The following PLCB4 variants were observed in gnomAD, a reference collection of about 807,000 sequenced individuals.
PLCB4 encodes the protein 1-phosphatidylinositol 4,5-bisphosphate phosphodiesterase beta-4.
In PLCB4, 77 loss-of-function variants were observed where a neutral mutation model predicts 178.8. The ratio of observed to expected loss-of-function variants is 0.43; its 90% CI spans 0.36 to 0.52. The LOEUF (loss-of-function observed/expected upper bound fraction) is 0.52. Ranked by LOEUF, PLCB4 falls within the 20% of genes least tolerant of loss-of-function variation. PLCB4 has a pLI of 0.00. For synonymous variants in PLCB4, 496 were observed against 490.8 expected, an observed-to-expected ratio of 1.01 and a Z score of -0.14; for missense variants, 1,024 against 1,453.4, an observed-to-expected ratio of 0.70 and a Z score of 4.80.
intron 2 of PLCB4, among the ~76,000 whole-genome samples, chr20:9,191,141 A>T (rs571312674): frequency 6.6e-6 from 1 of 152,294 alleles, no homozygotes; most frequent in South Asian, 2.1e-4. Context: ...CACAAACATG[A>T]ACCTTAGGAA....
At chr20:9,086,159 G>GA (rs2090405066) in intron 1 of PLCB4, among the ~76,000 whole-genome samples, 1 of 152,042 alleles carries the variant, frequency 6.6e-6, no homozygotes, top group African/African-American at 2.4e-5. Context: ...CAAAGAGTGA[G>GA]AAAAAGCCAT....
At chr20:9,429,514 A>C (rs2041251521) in intron 28 of PLCB4, among the ~76,000 whole-genome samples, 2 of 152,220 alleles carry the variant, frequency 1.3e-5, no homozygotes, top group South Asian at 4.1e-4. Flanking sequence ...AATATACCAG[A>C]TTTATTTAAC....
At chr20:9,443,755 C>T (rs2042244657) in intron 30 of PLCB4, among the ~76,000 whole-genome samples, 1 of 151,970 alleles carries the variant, frequency 6.6e-6, no homozygotes, top group Admixed American at 6.6e-5. Flanking sequence ...CACATGAATC[C>T]CCTTCTCAGG....
At position 9,365,452 on chromosome 20, in the gene PLCB4, G is replaced by A. The variant is rs2035694697; in HGVS notation, c.450-9G>A. ...ACATTAAGGCAATGTTATTGCTATT[G>A]TTTTGCAGCTGGATGAAATTGGCAT... On this transcript the variant is annotated splice_polypyrimidine_tract_variant and intron_variant, in intron 8 of 39. Coordinates refer to ENST00000378473, the MANE Select transcript of PLCB4 (RefSeq NM_001377142.1). 6.3e-7 allele frequency: 1 copy of A among 1,593,004 alleles called. No individual in the cohort carries two copies. The highest frequency in any genetic ancestry group is 8.6e-7 in the Non-Finnish European group (1 of 1,161,280).
Position 9,468,582 on chromosome 20 carries a change from A to G in PLCB4, c.3260A>G (p.Glu1087Gly). ...LKLSHDRESK[E>G]MRAHQAKISM... ...TTTTTAATACATAGGGAAAGCAAGGAAATGCGAGCACACCAGGCTAAGATT... is the reference window on the plus strand; with the variant it reads ...TTTTTAATACATAGGGAAAGCAAGGGAATGCGAGCACACCAGGCTAAGATT... The change falls in exon 36 of 40, where the codon GAA becomes GGA. Residue 1087 changes from glutamate (E) to glycine (G), a missense_variant. Physicochemically the swap from Glu to Gly is moderately conservative, Grantham distance 98. Coordinates refer to ENST00000378473, the MANE Select transcript of PLCB4 (RefSeq NM_001377142.1). The G allele has an allele frequency of 6.2e-7, 1 of 1,604,848 alleles. No homozygotes were observed.
intron 2 of PLCB4, among the ~76,000 whole-genome samples, chr20:9,142,480 A>C (rs1054424797): frequency 6.6e-6 from 1 of 152,132 alleles, no homozygotes; most frequent in African/African-American, 2.4e-5. Flanking sequence ...GTGCATCATT[A>C]GATGCTGTTG....
chr20:9,314,547 A>C (rs1390817767), intron 4 of PLCB4, among the ~76,000 whole-genome samples: 2 of 152,326 alleles, frequency 1.3e-5, no homozygotes, highest in East Asian at 1.9e-4. Context: ...AAGGGGGTAC[A>C]TGTATGGATG....
chr20:9,450,988 G>C (rs1422372045), intron 32 of PLCB4, among the ~76,000 whole-genome samples: 2 of 152,144 alleles, frequency 1.3e-5, no homozygotes, highest in Non-Finnish European at 2.9e-5. Context: ...GGCCTGGGAA[G>C]ATTTATATAT....
rs1225493452 is a variant in PLCB4 at position 9,100,945 on chromosome 20, TC to T, written c.-79+4605del. On this transcript the variant is annotated intron_variant, in intron 2 of 39. Transcript: ENST00000378473. ...TACGGTGTGTCGCCCGTGGAGGGAT[TC>T]CTCATCCCAAGCATGATTTTTATGT... Among the ~76,000 whole-genome samples, 16 of 152,146 alleles carry T rather than the reference TC, an allele frequency of 1.1e-4. No homozygotes were observed. The East Asian group carries it at 2.7e-3, about 26-fold the overall frequency.
intron 3 of PLCB4, among the ~76,000 whole-genome samples, chr20:9,300,289 G>A (rs2094688226): frequency 6.6e-6 from 1 of 151,996 alleles, no homozygotes; most frequent in African/African-American, 2.4e-5. Flanking sequence ...TGGGTTATTT[G>A]GTTTAATGGG....
chr20:9,312,931 A>G (rs1296123379), intron 4 of PLCB4, among the ~76,000 whole-genome samples: 2 of 152,200 alleles, frequency 1.3e-5, no homozygotes, highest in Non-Finnish European at 1.5e-5. Context: ...AACAGCAGAA[A>G]AATGCTATCT....
intron 25 of PLCB4, among the ~76,000 whole-genome samples, chr20:9,413,740 G>T (rs557417686): frequency 2.6e-5 from 4 of 151,446 alleles, no homozygotes; most frequent in Admixed American, 2.0e-4. Context: ...ATTAGCACGT[G>T]CAGTGTCTCA....
chr20:9,244,596 A>G (rs546020783), intron 3 of PLCB4, among the ~76,000 whole-genome samples: 1 of 152,300 alleles, frequency 6.6e-6, no homozygotes, highest in Admixed American at 6.5e-5. Context: ...ATAAATCCCA[A>G]TCCCCTGTTA....
intron 24 of PLCB4, among the ~76,000 whole-genome samples, chr20:9,410,494 A>G (rs1264851923): frequency 6.6e-6 from 1 of 152,234 alleles, no homozygotes; most frequent in Non-Finnish European, 1.5e-5. Flanking sequence ...GCGGATGGGA[A>G]GAAAGAAAAA....
intron 4 of PLCB4, among the ~76,000 whole-genome samples, chr20:9,320,063 G>A (rs756699770): frequency 3.3e-5 from 5 of 152,168 alleles, no homozygotes; most frequent in African/African-American, 4.8e-5. Flanking sequence ...ACAGAGTAAA[G>A]TGAAAGCAAG....
intron 2 of PLCB4, among the ~76,000 whole-genome samples, chr20:9,127,683 T>TATCCATCC (rs1202312610): frequency 1.5e-5 from 1 of 65,710 alleles, no homozygotes; most frequent in Admixed American, 1.7e-4. Flanking sequence ...TCTATCTATC[T>TATCCATCC]ATCCATCCAT....
intron 2 of PLCB4, among the ~76,000 whole-genome samples, chr20:9,201,898 T>C (rs1423576058): frequency 1.3e-5 from 2 of 152,220 alleles, no homozygotes; most frequent in African/African-American, 4.8e-5. Context: ...ACCTAAGTGA[T>C]GGAAACTTAT....
At chr20:9,413,692 A>G (rs1212665194) in intron 25 of PLCB4, among the ~76,000 whole-genome samples, 1 of 149,086 alleles carries the variant, frequency 6.7e-6, no homozygotes. Context: ...TGACAATCCT[A>G]TGTTGTTTGT....
intron 3 of PLCB4, among the ~76,000 whole-genome samples, chr20:9,303,283 T>A (rs1356042130): frequency 6.6e-6 from 1 of 152,170 alleles, no homozygotes; most frequent in Non-Finnish European, 1.5e-5. Flanking sequence ...AAAGTCAAAC[T>A]TATTTCTTCT....
Sources: gnomAD v4.1 joint callset for allele counts (sites outside exome capture counted in the v4.1 genomes callset) on GRCh38, gnomAD v4.1.1 for gene constraint, MANE v1.5 for transcripts, NCBI Gene and HGNC (gene_info 2026-07-23, HGNC 2026-07-21) for gene names.